SETD9: variants seen among roughly 807,000 people sequenced by gnomAD.
SETD9 encodes SET domain containing 9, also known as SET domain-containing protein 9.
SETD9 carries 37 observed loss-of-function variants against 36.4 expected under a neutral mutation model. That is an observed-to-expected ratio of 1.02 (90% CI 0.78 to 1.34). SETD9 has a LOEUF of 1.34. SETD9 is among the 40% of genes most tolerant of loss of function. The pLI is 0.00. For synonymous variants in SETD9, 128 were observed against 132.9 expected (o/e 0.96, Z 0.26); for missense variants, 323 against 353.2 (o/e 0.91, Z 0.69).
At chr5:56,928,178 T>C (rs941800618), downstream of SETD9, 1 of 152,236 alleles carries the variant, frequency 6.6e-6, no homozygotes, top group South Asian at 2.1e-4. Context: ...TAAACACTTT[T>C]GTGTGGACAT....
chr5:56,915,077 T>C, intron 5 of SETD9, 111 bp downstream of exon 5: 2 of 627,076 alleles, frequency 3.2e-6, no homozygotes, highest in South Asian at 3.2e-5. Context: ...TAGTGAAAAA[T>C]TATAACTCAG....
At chr5:56,909,423 G>A (rs1224495735), upstream of SETD9, 13 of 438,842 alleles carry the variant, frequency 3.0e-5, no homozygotes, top group Non-Finnish European at 5.2e-5. Flanking sequence ...TGGTCAAGGG[G>A]ACCTCCTTCC....
intron 5 of SETD9, chr5:56,923,441 T>C (rs765354795): frequency 1.2e-6 from 2 of 1,614,170 alleles, no homozygotes; most frequent in South Asian, 1.1e-5. Flanking sequence ...ACTTTCCCCA[T>C]TGCTGGGCAG....
At chr5:56,911,589 C>T in intron 2 of SETD9, 53 bp downstream of exon 2, 1 of 1,474,504 alleles carries the variant, frequency 6.8e-7, no homozygotes, top group Non-Finnish European at 8.9e-7. Context: ...TATTGATAAA[C>T]ATAAGTTCAG....
At position 56,923,585 on chromosome 5, in the gene SETD9, G is replaced by A. The variant is rs146260337; in HGVS notation, c.813-1748G>A. ...GACGGTTGCTACACTGTTGGTCAAA[G>A]CTAAAAAGGAATGGAAAATTGTTTA... is the stretch of plus-strand genomic sequence containing the variant. On this transcript the variant is annotated intron_variant, in intron 5 of 5. Transcript: ENST00000628593. The A allele has an allele frequency of 5.8e-4, 936 of 1,611,800 alleles. 7 individuals carry two copies. The highest frequency in any genetic ancestry group is 1.2e-3 in the Middle Eastern group (7 of 6,048).
chr5:56,909,578 C>A, upstream of SETD9: 1 of 1,311,450 alleles, frequency 7.6e-7, no homozygotes, highest in Non-Finnish European at 1.0e-6. Flanking sequence ...TCCTCCCGGG[C>A]CGGGGCGGGC....
chr5:56,912,580 G>A (rs938336682), intron 2 of SETD9, among the ~76,000 whole-genome samples: 9 of 152,050 alleles, frequency 5.9e-5, no homozygotes, highest in South Asian at 2.1e-4. Flanking sequence ...TTCTCATTTC[G>A]TCTTTTGCCA....
downstream of SETD9, chr5:56,921,049 CTG>C (rs1749648820): frequency 6.6e-6 from 1 of 152,508 alleles, no homozygotes; most frequent in Non-Finnish European, 1.5e-5. Context: ...ATAAGAAACA[CTG>C]TTTCCATCTT....
chr5:56,928,153 T>C (rs372378559), downstream of SETD9: 2 of 152,230 alleles, frequency 1.3e-5, no homozygotes, highest in African/African-American at 4.8e-5. Flanking sequence ...TTAGCAATTA[T>C]GATGAAAGCT....
intron 5 of SETD9, 59 bp downstream of exon 5, chr5:56,915,025 A>C (rs1247940578): frequency 2.3e-6 from 3 of 1,278,808 alleles, no homozygotes; most frequent in Non-Finnish European, 3.2e-6. Context: ...AAAAAAATAT[A>C]GAAGAAAAAG....
At chr5:56,909,936 G>T (rs1484261919) in intron 1 of SETD9, 193 bp downstream of exon 1, 2 of 1,102,266 alleles carry the variant, frequency 1.8e-6, no homozygotes, top group Non-Finnish European at 2.5e-6. Context: ...AGGAACGCGG[G>T]CCAGAGGCGG....
chr5:56,914,800 TTC>T, intron 4 of SETD9, 59 bp from the exon 5 acceptor site: 2 of 1,202,352 alleles, frequency 1.7e-6, no homozygotes, highest in Non-Finnish European at 1.2e-6. Context: ...CATAATTCAA[TTC>T]TGTTTTCCAT....
At chr5:56,915,762 G>A (rs550328569) in intron 5 of SETD9, among the ~76,000 whole-genome samples, 17 of 152,162 alleles carry the variant, frequency 1.1e-4, no homozygotes, top group South Asian at 2.1e-4. Flanking sequence ...ACAGGAATTC[G>A]AAACCAGCCC....
At chr5:56,914,031 G>A (rs773391517) in intron 4 of SETD9, 42 bp downstream of exon 4, 19 of 1,396,616 alleles carry the variant, frequency 1.4e-5, no homozygotes, top group Non-Finnish European at 1.8e-5. Context: ...ATATATCAAT[G>A]GCTAATTCTA....
chr5:56,923,578 G>A, intron 5 of SETD9: 1 of 1,612,352 alleles, frequency 6.2e-7, no homozygotes, highest in East Asian at 2.2e-5. Context: ...CTACACTGTT[G>A]GTCAAAGCTA....
At chr5:56,924,965 G>C (rs1423584777) in intron 5 of SETD9, among the ~76,000 whole-genome samples, 1 of 152,208 alleles carries the variant, frequency 6.6e-6, no homozygotes, top group Non-Finnish European at 1.5e-5. Flanking sequence ...CGCAGAGAAT[G>C]CAGGCTTCGT....
At chr5:56,918,264 A>C (rs1749509143), downstream of SETD9, among the ~76,000 whole-genome samples, 1 of 151,994 alleles carries the variant, frequency 6.6e-6, no homozygotes, top group South Asian at 2.1e-4. Context: ...CCAACCAAGG[A>C]CTTTTGCACT....
At chr5:56,927,985 T>C (rs1163478964), downstream of SETD9, 2 of 152,200 alleles carry the variant, frequency 1.3e-5, no homozygotes, top group African/African-American at 2.4e-5. Context: ...TCTTTTCAGA[T>C]TGGCTTCCTT....
downstream of SETD9, chr5:56,920,244 G>T: frequency 6.6e-6 from 1 of 152,584 alleles, no homozygotes. Context: ...ACCATGACAA[G>T]AGGAAAACTA....
Sources: allele counts gnomAD v4.1 joint callset (sites outside exome capture counted in the v4.1 genomes callset), GRCh38; gene constraint gnomAD v4.1.1; transcripts MANE v1.5; gene names NCBI Gene and HGNC (gene_info 2026-07-23, HGNC 2026-07-21).